Variants in TENM2 observed in about 807,000 individuals in gnomAD.
The protein encoded by TENM2 is teneurin transmembrane protein 2.
Under a neutral mutation model 245.2 loss-of-function variants are expected in TENM2, and 52 were observed. The observed-to-expected ratio is 0.21, with a 90% CI of 0.17 to 0.27. The LOEUF (loss-of-function observed/expected upper bound fraction) is 0.27, where lower values mean the gene tolerates loss of function less well. TENM2 is among the 10% of genes least tolerant of loss of function. The probability of loss-of-function intolerance (pLI) is 1.00; values close to 1 mark genes in which losing one functional copy is unlikely to be tolerated. For synonymous variants in TENM2, 1,363 were observed against 1,438.9 expected (o/e 0.95, Z 1.19); for missense variants, 3,046 against 3,666.8 (o/e 0.83, Z 4.37).
Position 167,529,618 on chromosome 5 carries a change from A to G in TENM2, c.502+154145A>G, listed in dbSNP as rs1771360477. 1.3e-5 allele frequency among the ~76,000 whole-genome samples: 2 copies of G among 152,228 alleles called. 1 individual carries two copies. The highest frequency in any genetic ancestry group is 4.1e-4 in the South Asian group (2 of 4,832). ...TGAGATGAAGGGTAACCTTGAAAACAGTGAAGTCACGTGTATGCTCACTTA... is the reference window on the plus strand; with the variant it reads ...TGAGATGAAGGGTAACCTTGAAAACGGTGAAGTCACGTGTATGCTCACTTA... On this transcript the variant is annotated intron_variant, in intron 2 of 28. Coordinates refer to ENST00000518659, the Ensembl canonical transcript of TENM2.
At chr5:168,238,248 A>AGAAAAGAAAAGAAAAGAAAG (rs1765744355) in intron 25 of TENM2, among the ~76,000 whole-genome samples, 3 of 145,128 alleles carry the variant, frequency 2.1e-5, no homozygotes, top group Admixed American at 7.0e-5. Context: ...AGAAAAGAAA[A>AGAAAAGAAAAGAAAAGAAAG]GAAAAGAAAA....
At chr5:168,137,164 G>T (rs1755129307) in intron 12 of TENM2, among the ~76,000 whole-genome samples, 5 of 152,164 alleles carry the variant, frequency 3.3e-5, no homozygotes, top group Admixed American at 3.3e-4. Flanking sequence ...CATAATTGCT[G>T]CCCAGGAGGA....
chr5:167,313,238 G>C (rs1392207864), intron 1 of TENM2, among the ~76,000 whole-genome samples: 1 of 151,932 alleles, frequency 6.6e-6, no homozygotes, highest in Non-Finnish European at 1.5e-5. Context: ...CTCTGTTCTT[G>C]GCATCTATGT....
chr5:167,594,828 A>G (rs1776096325), intron 2 of TENM2, among the ~76,000 whole-genome samples: 1 of 152,174 alleles, frequency 6.6e-6, no homozygotes, highest in African/African-American at 2.4e-5. Flanking sequence ...TGATCCGTTC[A>G]CTTATGCCAC....
chr5:167,841,492 T>C (rs956277865), intron 2 of TENM2, among the ~76,000 whole-genome samples: 1 of 152,248 alleles, frequency 6.6e-6, no homozygotes, highest in Non-Finnish European at 1.5e-5. Flanking sequence ...ATTTGCAGTA[T>C]CATTCTCTCC....
the TENM2 span, among the ~76,000 whole-genome samples, chr5:167,070,628 A>AC: frequency 6.6e-6 from 1 of 152,082 alleles, no homozygotes; most frequent in Non-Finnish European, 1.5e-5. Context: ...TATTATTATT[A>AC]TTGTTATTAT....
chr5:167,688,021 G>A (rs1300420880), intron 2 of TENM2, among the ~76,000 whole-genome samples: 1 of 152,134 alleles, frequency 6.6e-6, no homozygotes, highest in Non-Finnish European at 1.5e-5. Context: ...CACTTTGAAA[G>A]GCACTTTACA....
At chr5:167,357,052 G>T (rs764875557) in intron 1 of TENM2, among the ~76,000 whole-genome samples, 26 of 152,092 alleles carry the variant, frequency 1.7e-4, no homozygotes, top group African/African-American at 6.0e-4. Context: ...TGGGAGGAAA[G>T]CTTTGTTCAA....
the TENM2 span, among the ~76,000 whole-genome samples, chr5:167,175,630 T>G: frequency 6.6e-6 from 1 of 152,240 alleles, no homozygotes. Flanking sequence ...CTGTCATCAT[T>G]CTGATAAAAG....
intron 2 of TENM2, among the ~76,000 whole-genome samples, chr5:167,445,365 A>AGAGAGAGAGAGAGAGAGAGG (rs1482754604): frequency 7.7e-6 from 1 of 130,094 alleles, no homozygotes; most frequent in African/African-American, 3.1e-5. Context: ...AGAGAGAGAG[A>AGAGAGAGAGAGAGAGAGAGG]GAGAGTGTCA....
At chr5:167,048,614 A>G in the TENM2 span, among the ~76,000 whole-genome samples, 6 of 152,282 alleles carry the variant, frequency 3.9e-5, no homozygotes, top group East Asian at 1.2e-3. Flanking sequence ...ATTTAGTATT[A>G]TTTTGTTCTG....
At chr5:167,850,968 A>G (rs1282580979) in intron 2 of TENM2, among the ~76,000 whole-genome samples, 1 of 152,150 alleles carries the variant, frequency 6.6e-6, no homozygotes, top group African/African-American at 2.4e-5. Flanking sequence ...AATCTTTCCC[A>G]CCTAGTACTA....
At chr5:167,894,708 T>C (rs962488819) in intron 3 of TENM2, among the ~76,000 whole-genome samples, 6 of 152,154 alleles carry the variant, frequency 3.9e-5, no homozygotes, top group Admixed American at 2.0e-4. Flanking sequence ...TAAATATCTG[T>C]TGGATGGTTG....
chr5:167,728,455 A>G (rs1003149594), intron 2 of TENM2, among the ~76,000 whole-genome samples: 2 of 151,186 alleles, frequency 1.3e-5, no homozygotes, highest in Non-Finnish European at 2.9e-5. Flanking sequence ...AATAAAAAAT[A>G]AAAAAAATTA....
chr5:167,101,849 T>TTTATATATATATATATATATATATA, the TENM2 span, among the ~76,000 whole-genome samples: 1 of 69,456 alleles, frequency 1.4e-5, no homozygotes, highest in Non-Finnish European at 2.6e-5. Flanking sequence ...ATATATATAT[T>TTTATATATATATATATATATATATA]TATATATATA....
intron 2 of TENM2, among the ~76,000 whole-genome samples, chr5:167,425,740 ATGC>A (rs541557775): frequency 2.2e-4 from 33 of 151,950 alleles, no homozygotes; most frequent in Admixed American, 4.6e-4. Flanking sequence ...TAAAATAACA[ATGC>A]TGCTGCTGCT....
chr5:167,853,669 T>C (rs1770814039), intron 2 of TENM2, among the ~76,000 whole-genome samples: 1 of 152,234 alleles, frequency 6.6e-6, no homozygotes, highest in African/African-American at 2.4e-5. Flanking sequence ...TAATATGGCA[T>C]GCCTTTCTAG....
At position 167,685,238 on chromosome 5, in the gene TENM2, TAA is replaced by T. The variant is rs537620171; in HGVS notation, c.503-190745_503-190744del. On this transcript the variant is annotated intron_variant, in intron 2 of 28. Coordinates refer to ENST00000518659, the Ensembl canonical transcript of TENM2. Reference sequence around the variant, plus strand: ...AGAAAATGAAATCATCTGTGAACATTAAAAGTTATCTCTTCCTTTTAGTTATC... The same window carrying T: ...AGAAAATGAAATCATCTGTGAACATTAAGTTATCTCTTCCTTTTAGTTATC... Among the ~76,000 whole-genome samples the T allele has an allele frequency of 2.8e-4, 43 of 152,354 alleles. 1 individual carries two copies. In the South Asian group the frequency reaches 8.3e-3, roughly 29 times the overall value.
At chr5:167,864,186 T>C (rs1401080653) in intron 2 of TENM2, among the ~76,000 whole-genome samples, 1 of 152,174 alleles carries the variant, frequency 6.6e-6, no homozygotes, top group Non-Finnish European at 1.5e-5. Flanking sequence ...TTGTGGTCCC[T>C]AAAGCACATA....
Sources: allele counts gnomAD v4.1 joint callset (sites outside exome capture counted in the v4.1 genomes callset), GRCh38; gene constraint gnomAD v4.1.1; transcripts MANE v1.5; gene names NCBI Gene and HGNC (gene_info 2026-07-23, HGNC 2026-07-21).